SFI1: variants seen among roughly 807,000 people sequenced by gnomAD.
SFI1 encodes SFI1 centrin binding protein.
SFI1 carries 195 observed loss-of-function variants against 207.5 expected under a neutral mutation model. The ratio of observed to expected loss-of-function variants is 0.94; its 90% CI spans 0.84 to 1.06. SFI1 has a LOEUF of 1.06. Among genes scored for constraint, SFI1 ranks in the 50% least tolerant of loss-of-function variants. SFI1 has a pLI of 0.00. For missense variants in SFI1, 1,634 were observed against 1,588.0 expected (o/e 1.03, Z -0.49); for synonymous variants, 630 against 598.9 (o/e 1.05, Z -0.76).
At chr22:31,560,983 G>A (rs1001037780) in intron 7 of SFI1, among the ~76,000 whole-genome samples, 4 of 152,120 alleles carry the variant, frequency 2.6e-5, no homozygotes, top group African/African-American at 9.7e-5. Flanking sequence ...GATTACAGGT[G>A]TAAGCCACCG....
chr22:31,611,877 C>G (rs55883820), intron 24 of SFI1, 37 bp downstream of exon 24: 1 of 1,611,144 alleles, frequency 6.2e-7, no homozygotes, highest in Non-Finnish European at 8.5e-7. Context: ...GCACTTCCTT[C>G]TCCATCCTCT....
intron 15 of SFI1, among the ~76,000 whole-genome samples, chr22:31,598,181 T>C (rs938049466): frequency 6.6e-6 from 1 of 151,796 alleles, no homozygotes; most frequent in Non-Finnish European, 1.5e-5. Flanking sequence ...GAGAAGGGGT[T>C]TCACTGTGTT....
intron 5 of SFI1, among the ~76,000 whole-genome samples, chr22:31,549,173 A>C (rs2147964936): frequency 6.6e-6 from 1 of 151,358 alleles, no homozygotes; most frequent in South Asian, 2.1e-4. Context: ...CTGTAGTCCC[A>C]GCTACTCTGA....
In SFI1 at chr22:31,595,731, G is replaced by A. The variant is rs540166901; in HGVS notation, c.1544+6154G>A. On this transcript the variant is annotated intron_variant, in intron 15 of 32. Coordinates refer to ENST00000400288, the MANE Select transcript of SFI1 (RefSeq NM_001007467.3). The stretch of plus-strand genomic sequence containing the variant: ...TGGAAGTATCTGGGAGAGGCTTCCT[G>A]TGAGTGAGAGGGTGAGGATGGTGGC... Among the ~76,000 whole-genome samples the A allele has an allele frequency of 7.8e-4, 119 of 152,350 alleles. 2 individuals carry two copies. Among genetic ancestry groups the A allele is most frequent in the Non-Finnish European group, 1.4e-3 (92 of 68,038 alleles).
At position 31,546,966 on chromosome 22, in the gene SFI1, C is replaced by T. The variant is rs772982876; in HGVS notation, c.444C>T (p.His148=). ...AACTCTGTGTTCGAGCTGACTGTCA[C>T]TACAGGTCAGGTTTCATGTTACACT... The part of the protein sequence containing the change: ...EWKLCVRADC[H]YRYYLYNLMF... The change falls in exon 5 of 33, where the codon CAC becomes CAT. Residue 148 remains histidine (H), a synonymous_variant. Transcript: ENST00000400288. The T allele has an allele frequency of 1.2e-6, 2 of 1,604,014 alleles. No homozygotes were observed. The highest frequency in any genetic ancestry group is 8.5e-7 in the Non-Finnish European group (1 of 1,173,264).
chr22:31,581,448 C>T (rs1186166630), intron 12 of SFI1, among the ~76,000 whole-genome samples: 1 of 151,974 alleles, frequency 6.6e-6, no homozygotes, highest in Non-Finnish European at 1.5e-5. Flanking sequence ...ACCACCAAGC[C>T]CAGCTAATTT....
At chr22:31,585,283 TC>T (rs2146272752) in intron 14 of SFI1, 149 bp downstream of exon 14, 1 of 591,154 alleles carries the variant, frequency 1.7e-6, no homozygotes, top group South Asian at 2.4e-5. Flanking sequence ...AGTCATTTCT[TC>T]CAGTTCCCAC....
Position 31,613,587 on chromosome 22 carries a change from G to A in SFI1, c.2743-15G>A, listed in dbSNP as rs761293798. The stretch of plus-strand genomic sequence containing the variant: ...GGCAGGGTGTGGCATGAGCTGACCA[G>A]AGGCTGTGTTGTAGGCGGCTCACAG... On this transcript the variant is annotated splice_polypyrimidine_tract_variant and intron_variant, in intron 26 of 32. Transcript: ENST00000400288. 2 of 1,578,360 alleles carry A rather than the reference G, an allele frequency of 1.3e-6. No individual in the cohort carries two copies. The highest frequency in any genetic ancestry group is 1.7e-6 in the Non-Finnish European group (2 of 1,160,256).
chr22:31,520,296 T>A (rs114868044), intron 2 of SFI1, among the ~76,000 whole-genome samples: 1,749 of 152,290 alleles, frequency 0.011, 34 homozygotes, highest in African/African-American at 0.04. Flanking sequence ...TTTCTCACTT[T>A]TCTTCACGGT....
chr22:31,508,173 G>A lies in SFI1; in HGVS notation c.-30-82G>A, dbSNP rs2054931657. ...TTGAATTAAGGAGAGCAGGAGACTAGGAGCTGGCATATAGTTCAGAAATGT... is the reference window on the plus strand; with the variant it reads ...TTGAATTAAGGAGAGCAGGAGACTAAGAGCTGGCATATAGTTCAGAAATGT... On this transcript the variant is annotated intron_variant, in intron 1 of 32. Transcript: ENST00000400288. The A allele has an allele frequency of 4.0e-6, 3 of 756,934 alleles. No homozygotes were observed. The South Asian group carries it at 4.4e-5, about 11-fold the overall frequency. 46.9% of individuals were successfully genotyped at this position (756,934 alleles called of 1,614,324 possible).
chr22:31,589,673 AC>A, intron 15 of SFI1, 96 bp downstream of exon 15: 1 of 1,368,206 alleles, frequency 7.3e-7, no homozygotes, highest in Non-Finnish European at 9.8e-7. Flanking sequence ...AGCTTCCCAG[AC>A]CCCAGGCCCT....
At chr22:31,611,966 C>T (rs992331362) in intron 24 of SFI1, 126 bp downstream of exon 24, 24 of 1,456,676 alleles carry the variant, frequency 1.6e-5, no homozygotes, top group South Asian at 8.4e-5. Context: ...CTCCCCAGGG[C>T]CACCTCCTCT....
intron 8 of SFI1, among the ~76,000 whole-genome samples, chr22:31,568,388 G>A (rs1364793198): frequency 6.6e-6 from 1 of 150,954 alleles, no homozygotes; most frequent in African/African-American, 2.4e-5. Context: ...AATTAGCCGG[G>A]CATGGTGGTG....
intron 15 of SFI1, among the ~76,000 whole-genome samples, chr22:31,591,503 G>T (rs1569412321): frequency 6.7e-6 from 1 of 149,914 alleles, no homozygotes; most frequent in Non-Finnish European, 1.5e-5. Context: ...AGACGGGGTG[G>T]TGGCCGGGCA....
chr22:31,530,541 A>C (rs2058414615), intron 3 of SFI1: 1 of 436,936 alleles, frequency 2.3e-6, no homozygotes, highest in African/African-American at 2.1e-5. Context: ...TGTATACCAG[A>C]CACTGTGCTA....
At chr22:31,562,100 A>G (rs1271030063) in intron 8 of SFI1, among the ~76,000 whole-genome samples, 1 of 152,208 alleles carries the variant, frequency 6.6e-6, no homozygotes, top group Non-Finnish European at 1.5e-5. Flanking sequence ...TAGATCAGTG[A>G]TCAGCAAACT....
At position 31,573,263 on chromosome 22, in the gene SFI1, T is replaced by G. The variant is rs540277697; in HGVS notation, c.922+49T>G. ...CGAGATAGAGGATCTGGTCACAGTTTCACTCTCCTGCTGCCAGTGGTACTG... is the reference window on the plus strand; with the variant it reads ...CGAGATAGAGGATCTGGTCACAGTTGCACTCTCCTGCTGCCAGTGGTACTG... On this transcript the variant is annotated intron_variant, in intron 9 of 32. Transcript: ENST00000400288. 76 of 1,597,096 alleles carry G rather than the reference T, an allele frequency of 4.8e-5. No homozygotes were observed. The African/African-American group carries it at 9.5e-4, about 20-fold the overall frequency.
chr22:31,499,214 G>A (rs1265312174), intron 1 of SFI1, among the ~76,000 whole-genome samples: 3 of 151,772 alleles, frequency 2.0e-5, no homozygotes, highest in African/African-American at 7.3e-5. Flanking sequence ...TGAGCAGGCT[G>A]GTCTTGAACT....
At chr22:31,605,100 C>T (rs143111792) in intron 20 of SFI1, 155 bp downstream of exon 20, 8,119 of 626,732 alleles carry the variant, frequency 0.013, 65 homozygotes, top group Middle Eastern at 0.016. Context: ...ACTTCACTCA[C>T]GGGTTCGCCT....
Sources: gnomAD v4.1 joint callset for allele counts (sites outside exome capture counted in the v4.1 genomes callset) on GRCh38, gnomAD v4.1.1 for gene constraint, MANE v1.5 for transcripts, NCBI Gene and HGNC (gene_info 2026-07-23, HGNC 2026-07-21) for gene names.